Variants in LAMA5 observed in about 807,000 individuals in gnomAD.
The protein encoded by LAMA5 is laminin subunit alpha-5.
Under a neutral mutation model 433.4 loss-of-function variants are expected in LAMA5, and 260 were observed. The observed-to-expected ratio is 0.60, with a 90% CI of 0.54 to 0.66. The LOEUF is 0.66. LAMA5 is among the 30% of genes least tolerant of loss of function. The pLI is 0.00. For synonymous variants in LAMA5, 2,620 were observed against 2,226.6 expected (o/e 1.18, Z -4.97); for missense variants, 5,378 against 5,258.5 (o/e 1.02, Z -0.70).
In LAMA5 at chr20:62,336,416, G is replaced by T; in HGVS notation, c.2247C>A (p.His749Gln). The T allele has an allele frequency of 6.2e-7, 1 of 1,612,554 alleles. No homozygotes were observed. The highest frequency in any genetic ancestry group is 8.5e-7 in the Non-Finnish European group (1 of 1,179,824). Reference sequence around the variant, plus strand: ...AGCGGTCACAGCTCGGCCCCTCCACGTGAGCCCGGCACATACAGGGAACCT... The same window carrying T: ...AGCGGTCACAGCTCGGCCCCTCCACTTGAGCCCGGCACATACAGGGAACCT... ...EAQVPCMCRA[H>Q]VEGPSCDRCK... Residue 749 changes from histidine to glutamine, a missense_variant, in exon 18 of 80, where the codon CAC (histidine) becomes CAA (glutamine). Transcript: ENST00000252999.
In LAMA5 at chr20:62,348,775, A is replaced by G. The variant is rs183271769; in HGVS notation, c.957-1747T>C. 4.6e-5 allele frequency among the ~76,000 whole-genome samples: 7 copies of G among 152,332 alleles called. No homozygotes were observed. In the East Asian group the frequency reaches 9.6e-4, roughly 21 times the overall value. On this transcript the variant is annotated intron_variant, in intron 6 of 79. Transcript: ENST00000252999. ...GATGGGCTAAACAGCAGACAGACACAGTGGAAGAGAGATTTAGTGAAGTGG... is the reference window on the plus strand; with the variant it reads ...GATGGGCTAAACAGCAGACAGACACGGTGGAAGAGAGATTTAGTGAAGTGG...
In LAMA5 at chr20:62,311,067, C is replaced by T. The variant is rs141956594; in HGVS notation, c.10116G>A (p.Pro3372=). 141 of 1,594,204 alleles carry T rather than the reference C, an allele frequency of 8.8e-5. No homozygotes were observed. The highest frequency in any genetic ancestry group is 7.8e-4 in the South Asian group (69 of 88,806). The change falls in exon 74 of 80, where the codon CCG becomes CCA. Residue 3372 remains proline, a synonymous_variant. Transcript: ENST00000252999. The part of the protein sequence containing the change: ...NWPSLSMHVL[P]RSSRGLLLFT... ...AGAGGAGGAGGCCTCGGGAGCTTCGCGGGAGGACGTGCATGGAGAGACTGG... is the reference window on the plus strand; with the variant it reads ...AGAGGAGGAGGCCTCGGGAGCTTCGTGGGAGGACGTGCATGGAGAGACTGG...
At position 62,336,444 on chromosome 20, in the gene LAMA5, G is replaced by A. The variant is rs200949512; in HGVS notation, c.2219C>T (p.Ala740Val). ...LAPVDPALPE[A>V]QVPCMCRAHV... ...AGCCCGGCACATACAGGGAACCTGT[G>A]CCTGGGAGAGGACAAGACTGCAGGT... The change falls in exon 18 of 80, where the codon GCA (alanine) becomes GTA (valine). Residue 740 changes from alanine (A) to valine (V), a missense_variant and splice_region_variant. Physicochemically the swap from Ala to Val is moderately conservative, Grantham distance 64 (BLOSUM62 0). Transcript: ENST00000252999. The A allele has an allele frequency of 2.2e-5, 35 of 1,611,250 alleles. No individual in the cohort carries two copies. Among genetic ancestry groups the A allele is most frequent in the East Asian group, 1.8e-4 (8 of 44,862 alleles).
chr20:62,349,550 G>C (rs912652038), intron 6 of LAMA5, among the ~76,000 whole-genome samples: 1 of 141,922 alleles, frequency 7.0e-6, no homozygotes, highest in African/African-American at 2.6e-5. Flanking sequence ...CAAGAGGGAG[G>C]ACAAAACAGC....
intron 16 of LAMA5, among the ~76,000 whole-genome samples, chr20:62,337,160 CTT>C (rs556541339): frequency 3.0e-4 from 46 of 152,268 alleles, no homozygotes; most frequent in African/African-American, 1.0e-3. Context: ...CACACCCACA[CTT>C]GAGACACGCG....
chr20:62,337,253 G>A (rs1206495857), intron 16 of LAMA5, among the ~76,000 whole-genome samples: 3 of 152,010 alleles, frequency 2.0e-5, no homozygotes, highest in Non-Finnish European at 4.4e-5. Context: ...ATGCACCCAC[G>A]TGACACACAA....
At chr20:62,319,299 G>C (rs998672691) in intron 51 of LAMA5, among the ~76,000 whole-genome samples, 2 of 152,060 alleles carry the variant, frequency 1.3e-5, no homozygotes, top group African/African-American at 4.8e-5. Context: ...CTGCTCCCTG[G>C]CCAGCTCTCT....
At chr20:62,360,882 A>C (rs973548577) in intron 2 of LAMA5, among the ~76,000 whole-genome samples, 4 of 152,054 alleles carry the variant, frequency 2.6e-5, no homozygotes, top group Non-Finnish European at 5.9e-5. Flanking sequence ...AGAGCCCCAG[A>C]GCCAAGGGGT....
rs773744406 is a variant in LAMA5 at position 62,334,359 on chromosome 20, C to T, written c.2583-17G>A. ...CTCGCAGGCCTGGCCACAGCAGGGG[C>T]TGGTCAGGTGCAGCTTGGCCATCCT... On this transcript the variant is annotated splice_polypyrimidine_tract_variant and intron_variant, in intron 21 of 79. Transcript: ENST00000252999. 2 of 1,581,884 alleles carry T rather than the reference C, an allele frequency of 1.3e-6. No individual in the cohort carries two copies. The highest frequency in any genetic ancestry group is 4.6e-5 in the East Asian group (2 of 43,174).
intron 6 of LAMA5, among the ~76,000 whole-genome samples, chr20:62,350,322 GCAA>G (rs1984096714): frequency 6.6e-6 from 1 of 152,120 alleles, no homozygotes; most frequent in Non-Finnish European, 1.5e-5. Context: ...TGTGCTGGCA[GCAA>G]CAAGTGCCTG....
chr20:62,355,092 C>CT (rs1358867828), intron 2 of LAMA5, among the ~76,000 whole-genome samples: 4 of 152,220 alleles, frequency 2.6e-5, no homozygotes, highest in South Asian at 2.1e-4. Context: ...CAGCCCAACT[C>CT]TTTGTGGGCG....
intron 45 of LAMA5, among the ~76,000 whole-genome samples, chr20:62,323,132 C>G (rs1342579757): frequency 9.3e-6 from 1 of 108,102 alleles, no homozygotes; most frequent in Non-Finnish European, 1.9e-5. Context: ...AGGTGGGGGC[C>G]TGATCATGGG....
chr20:62,335,299 T>G (rs199682264), intron 18 of LAMA5, 30 bp from the exon 19 acceptor site: 1 of 1,609,916 alleles, frequency 6.2e-7, no homozygotes, highest in African/African-American at 1.3e-5. Flanking sequence ...ACTCAGATGC[T>G]TGGTGGGGCA....
chr20:62,353,076 G>T lies in LAMA5; in HGVS notation c.568+58C>A, dbSNP rs958215974. On this transcript the variant is annotated intron_variant, in intron 3 of 79. Coordinates refer to ENST00000252999, the MANE Select transcript of LAMA5 (RefSeq NM_005560.6). ...GACCTTCAGAAGCCTGGTCACGGAGGGCCTGCCCAGGGACCCCCCTGCCTC... is the reference window on the plus strand; with the variant it reads ...GACCTTCAGAAGCCTGGTCACGGAGTGCCTGCCCAGGGACCCCCCTGCCTC... 3.2e-6 allele frequency: 4 copies of T among 1,263,858 alleles called. No individual in the cohort carries two copies. The African/African-American group carries it at 6.0e-5, about 19-fold the overall frequency. The allele number at this position is 1,263,858 out of a possible 1,614,324, so 78.3% of individuals were successfully genotyped here. A position where few individuals can be genotyped will look rare whatever the true frequency, so the allele number is the denominator to read the frequency against.
At chr20:62,365,869 G>A (rs1291127549) in intron 1 of LAMA5, among the ~76,000 whole-genome samples, 1 of 152,054 alleles carries the variant, frequency 6.6e-6, no homozygotes, top group Non-Finnish European at 1.5e-5. Context: ...GCCTGGGGAG[G>A]CTCCTTCCCC....
At chr20:62,310,373 CCCCTG>C (rs749529553) in intron 76 of LAMA5, 41 bp downstream of exon 76, 4 of 1,568,770 alleles carry the variant, frequency 2.5e-6, no homozygotes, top group Admixed American at 1.8e-5. Flanking sequence ...CTCCTGGAGC[CCCCTG>C]CCCTGCCCTG....
At chr20:62,319,108 T>C in intron 51 of LAMA5, 95 bp from the exon 52 acceptor site, 1 of 1,337,024 alleles carries the variant, frequency 7.5e-7, no homozygotes, top group Non-Finnish European at 9.9e-7. Context: ...CCTGCCATCC[T>C]TGGCAGGCCA....
Position 62,351,814 on chromosome 20 carries a change from G to T in LAMA5, c.859-13C>A, listed in dbSNP as rs372998732. The T allele has an allele frequency of 1.9e-6, 3 of 1,597,080 alleles. No homozygotes were observed. Among genetic ancestry groups the T allele is most frequent in the Admixed American group, 1.8e-5 (1 of 56,826 alleles). ...TGCTGTAATAATACTGCACCCGCAG[G>T]CCCCGTGAGCACCAGGCGGCCAGGC... is the stretch of plus-strand genomic sequence containing the variant. On this transcript the variant is annotated splice_polypyrimidine_tract_variant and intron_variant, in intron 5 of 79. Transcript: ENST00000252999.
chr20:62,325,959 G>A (rs1415145047), intron 40 of LAMA5, among the ~76,000 whole-genome samples: 1 of 152,244 alleles, frequency 6.6e-6, no homozygotes, highest in Admixed American at 6.5e-5. Flanking sequence ...GGTGGCTCAT[G>A]CCTGTAATCC....
Sources: gnomAD v4.1 joint callset for allele counts (sites outside exome capture counted in the v4.1 genomes callset) on GRCh38, gnomAD v4.1.1 for gene constraint, MANE v1.5 for transcripts, NCBI Gene and HGNC (gene_info 2026-07-23, HGNC 2026-07-21) for gene names.